ARHGEF28: variants seen among roughly 807,000 people sequenced by gnomAD.
ARHGEF28 encodes the protein 190 kDa guanine nucleotide exchange factor.
Under a neutral mutation model 206.6 loss-of-function variants are expected in ARHGEF28, and 152 were observed. The ratio of observed to expected loss-of-function variants is 0.74; its 90% CI spans 0.64 to 0.84. The LOEUF (loss-of-function observed/expected upper bound fraction) is 0.84. Among genes scored for constraint, ARHGEF28 ranks in the 40% least tolerant of loss-of-function variants. The pLI, the probability that ARHGEF28 is intolerant of heterozygous loss-of-function variation, is 0.00. For missense variants in ARHGEF28, 2,028 were observed against 2,073.2 expected, an observed-to-expected ratio of 0.98 and a Z score of 0.42; for synonymous variants, 763 against 776.4, an observed-to-expected ratio of 0.98 and a Z score of 0.29.
At chr5:73,844,423 C>T (rs982002732) in intron 11 of ARHGEF28, among the ~76,000 whole-genome samples, 3 of 152,102 alleles carry the variant, frequency 2.0e-5, no homozygotes, top group Admixed American at 6.6e-5. Context: ...TAGGAAACCA[C>T]GTAGCAACTT....
chr5:73,664,988 C>T (rs1249436539), intron 1 of ARHGEF28, among the ~76,000 whole-genome samples: 4 of 152,188 alleles, frequency 2.6e-5, no homozygotes, highest in Non-Finnish European at 4.4e-5. Context: ...CCCACTACTT[C>T]TAGTTCAGCA....
intron 9 of ARHGEF28, among the ~76,000 whole-genome samples, chr5:73,800,051 A>C (rs1334886765): frequency 6.6e-6 from 1 of 152,204 alleles, no homozygotes; most frequent in African/African-American, 2.4e-5. Flanking sequence ...ATAAATGTTC[A>C]CAATAGAAAA....
intron 1 of ARHGEF28, among the ~76,000 whole-genome samples, chr5:73,672,459 G>A (rs1380622298): frequency 1.3e-5 from 2 of 152,124 alleles, no homozygotes; most frequent in Non-Finnish European, 1.5e-5. Flanking sequence ...TCTCATGGAT[G>A]TAGATCATAT....
intron 9 of ARHGEF28, among the ~76,000 whole-genome samples, chr5:73,808,879 T>C (rs1035575543): frequency 2.6e-5 from 4 of 152,218 alleles, no homozygotes; most frequent in Non-Finnish European, 5.9e-5. Context: ...TGTCTTGGTA[T>C]AGTTTTCTTG....
At chr5:73,879,476 A>G (rs1026486916) in intron 22 of ARHGEF28, among the ~76,000 whole-genome samples, 15 of 152,280 alleles carry the variant, frequency 9.9e-5, no homozygotes, top group African/African-American at 3.4e-4. Context: ...GAGGAACTGC[A>G]TTCCTTTGGA....
chr5:73,890,498 A>G (rs1046094617), intron 26 of ARHGEF28, among the ~76,000 whole-genome samples: 2 of 152,242 alleles, frequency 1.3e-5, no homozygotes, highest in East Asian at 1.9e-4. Context: ...CAGTATTCCA[A>G]CAACTCTGCC....
At chr5:73,657,242 T>G (rs1745280803) in intron 1 of ARHGEF28, among the ~76,000 whole-genome samples, 1 of 152,036 alleles carries the variant, frequency 6.6e-6, no homozygotes, top group Non-Finnish European at 1.5e-5. Context: ...TAGCATCTCT[T>G]TCCCATTTTT....
At chr5:73,803,695 T>C (rs1338792864) in intron 9 of ARHGEF28, 1 of 152,570 alleles carries the variant, frequency 6.6e-6, no homozygotes, top group Non-Finnish European at 1.5e-5. Flanking sequence ...CGCTCAAGTA[T>C]AGGGAGAAGT....
intron 33 of ARHGEF28, among the ~76,000 whole-genome samples, chr5:73,907,959 T>C (rs1284696756): frequency 6.6e-6 from 1 of 152,228 alleles, no homozygotes; most frequent in Non-Finnish European, 1.5e-5. Context: ...TGTCTTACCA[T>C]ACTGGTCCCT....
chr5:73,859,911 C>T (rs1376711878), intron 16 of ARHGEF28, among the ~76,000 whole-genome samples: 1 of 152,176 alleles, frequency 6.6e-6, no homozygotes, highest in Non-Finnish European at 1.5e-5. Context: ...TCTGCCATTT[C>T]TTCATTAACC....
chr5:73,794,502 T>C, intron 8 of ARHGEF28, 48 bp downstream of exon 8: 2 of 1,448,422 alleles, frequency 1.4e-6, no homozygotes, highest in Non-Finnish European at 9.5e-7. Context: ...TTCCATAAAG[T>C]AGAAATGAAG....
At chr5:73,892,518 T>G (rs991040267) in intron 27 of ARHGEF28, among the ~76,000 whole-genome samples, 3 of 152,214 alleles carry the variant, frequency 2.0e-5, no homozygotes, top group African/African-American at 7.2e-5. Flanking sequence ...CTTTCTTGCC[T>G]GAAATTCTTT....
intron 10 of ARHGEF28, among the ~76,000 whole-genome samples, chr5:73,840,218 C>A (rs904515230): frequency 1.3e-5 from 2 of 152,114 alleles, no homozygotes; most frequent in Non-Finnish European, 2.9e-5. Flanking sequence ...CCATTCAGGC[C>A]ATTCTCCTGC....
intron 11 of ARHGEF28, among the ~76,000 whole-genome samples, chr5:73,845,572 T>A (rs1333911439): frequency 3.9e-5 from 6 of 152,130 alleles, no homozygotes; most frequent in Admixed American, 1.3e-4. Flanking sequence ...AGTGACTCTG[T>A]TTCCACCAGC....
intron 7 of ARHGEF28, among the ~76,000 whole-genome samples, chr5:73,783,597 C>T (rs1753978575): frequency 1.3e-5 from 2 of 151,934 alleles, no homozygotes; most frequent in South Asian, 2.1e-4. Context: ...CTGAAAGCAA[C>T]GCAGAAGAGA....
At chr5:73,694,716 C>T (rs1050189524) in intron 2 of ARHGEF28, among the ~76,000 whole-genome samples, 2 of 152,202 alleles carry the variant, frequency 1.3e-5, no homozygotes, top group African/African-American at 4.8e-5. Context: ...TAGCTCTTGC[C>T]TTCTTTTCCT....
At chr5:73,855,417 C>G (rs1397014205) in intron 14 of ARHGEF28, among the ~76,000 whole-genome samples, 1 of 152,074 alleles carries the variant, frequency 6.6e-6, no homozygotes, top group African/African-American at 2.4e-5. Context: ...TATCTCAGGT[C>G]TTATCAACCT....
chr5:73,930,213 C>T (rs1764031190), intron 35 of ARHGEF28, among the ~76,000 whole-genome samples: 1 of 152,206 alleles, frequency 6.6e-6, no homozygotes, highest in South Asian at 2.1e-4. Flanking sequence ...ATATAACTAT[C>T]AGCAGCAAGA....
intron 10 of ARHGEF28, among the ~76,000 whole-genome samples, chr5:73,837,201 T>A (rs1469508810): frequency 6.6e-6 from 1 of 152,052 alleles, no homozygotes; most frequent in Non-Finnish European, 1.5e-5. Context: ...CTGTGAAAAA[T>A]TGCCATTATA....
Sources: allele counts gnomAD v4.1 joint callset (sites outside exome capture counted in the v4.1 genomes callset), GRCh38; gene constraint gnomAD v4.1.1; transcripts MANE v1.5; gene names NCBI Gene and HGNC (gene_info 2026-07-23, HGNC 2026-07-21).